The following ATG4A variants were observed in gnomAD, a reference collection of about 807,000 sequenced individuals.
The protein encoded by ATG4A is cysteine protease ATG4A.
A neutral mutation model predicts 38.4 loss-of-function variants in ATG4A; 22 were observed. The ratio of observed to expected loss-of-function variants is 0.57; its 90% confidence interval spans 0.41 to 0.82. The LOEUF is 0.82. ATG4A is among the 40% of genes least tolerant of loss of function. The pLI, the probability that ATG4A is intolerant of heterozygous loss-of-function variation, is 0.00. For missense variants in ATG4A, 220 were observed against 290.0 expected, an observed-to-expected ratio of 0.76 and a Z score of 1.75; for synonymous variants, 86 against 100.7, an observed-to-expected ratio of 0.85 and a Z score of 0.88.
intron 1 of ATG4A, among the ~76,000 whole-genome samples, chrX:108,093,491 A>G (rs1377535390): frequency 6.3e-5 from 7 of 111,793 alleles, no homozygotes; most frequent in Non-Finnish European, 1.3e-4. Flanking sequence ...TCAGTTTCCA[A>G]TTTTTGGCTA....
intron 9 of ATG4A, among the ~76,000 whole-genome samples, chrX:108,138,590 G>A (rs2033162793): frequency 8.9e-6 from 1 of 111,787 alleles, no homozygotes; most frequent in African/African-American, 3.3e-5. Context: ...GACAGGTTGG[G>A]AATTGGAGGA....
At chrX:108,140,975 C>CGTATATATAT in intron 9 of ATG4A, among the ~76,000 whole-genome samples, 1 of 82,503 alleles carries the variant, frequency 1.2e-5, no homozygotes, top group East Asian at 3.6e-4. Flanking sequence ...CACATATATA[C>CGTATATATAT]ACATATATAT....
intron 11 of ATG4A, 54 bp downstream of exon 11, chrX:108,151,912 C>T: frequency 9.5e-7 from 1 of 1,057,928 alleles, no homozygotes; most frequent in Non-Finnish European, 1.3e-6. Flanking sequence ...AATTTTATTC[C>T]TTTTCAAGAT....
chrX:108,114,220 A>G (rs1214216774), intron 1 of ATG4A, among the ~76,000 whole-genome samples: 1 of 111,877 alleles, frequency 8.9e-6, no homozygotes, highest in Admixed American at 9.5e-5. Flanking sequence ...CCGAGGCACA[A>G]GCTCTTATTA....
chrX:108,134,215 C>G, intron 5 of ATG4A, 57 bp downstream of exon 5: 1 of 1,138,971 alleles, frequency 8.8e-7, no homozygotes, highest in Non-Finnish European at 1.2e-6. Context: ...CTTCTCTTCC[C>G]TTGCCTTATA....
intron 1 of ATG4A, among the ~76,000 whole-genome samples, chrX:108,108,235 T>C (rs1272433691): frequency 9.7e-6 from 1 of 102,664 alleles, no homozygotes; most frequent in Non-Finnish European, 2.0e-5. Context: ...CAGGATACAT[T>C]ACTCAAAAAC....
At chrX:108,126,451 T>A (rs1447848914) in intron 2 of ATG4A, among the ~76,000 whole-genome samples, 4 of 112,058 alleles carry the variant, frequency 3.6e-5, no homozygotes, top group African/African-American at 1.3e-4. Flanking sequence ...AATATATTTT[T>A]ATTCTTTTCC....
At chrX:108,107,128 T>TCTC (rs777683411) in intron 1 of ATG4A, among the ~76,000 whole-genome samples, 182 of 111,619 alleles carry the variant, frequency 1.6e-3, no homozygotes, top group African/African-American at 5.8e-3. Flanking sequence ...CTGTTTCTCC[T>TCTC]CTCCTCCTGG....
At chrX:108,101,199 T>A (rs1180434993) in intron 1 of ATG4A, among the ~76,000 whole-genome samples, 1 of 111,151 alleles carries the variant, frequency 9.0e-6, no homozygotes, top group East Asian at 2.8e-4. Context: ...CATATTTGTT[T>A]GTAGTAATCC....
intron 11 of ATG4A, among the ~76,000 whole-genome samples, chrX:108,152,579 C>T (rs1431468864): frequency 8.9e-6 from 1 of 111,839 alleles, no homozygotes; most frequent in African/African-American, 3.2e-5. Context: ...GTTGGACTGC[C>T]ACTGAAACCA....
intron 1 of ATG4A, among the ~76,000 whole-genome samples, chrX:108,124,503 G>T (rs1428355662): frequency 1.8e-5 from 2 of 108,695 alleles, no homozygotes; most frequent in Non-Finnish European, 3.8e-5. Flanking sequence ...CCAGGCTGGA[G>T]TGTAGTGGCG....
chrX:108,108,915 A>T (rs2032272820), intron 1 of ATG4A, among the ~76,000 whole-genome samples: 1 of 111,960 alleles, frequency 8.9e-6, no homozygotes, highest in Non-Finnish European at 1.9e-5. Flanking sequence ...TTTATCTATC[A>T]ATGGACATTT....
intron 9 of ATG4A, among the ~76,000 whole-genome samples, chrX:108,139,082 A>G (rs1457741968): frequency 2.7e-5 from 3 of 111,487 alleles, no homozygotes; most frequent in South Asian, 3.8e-4. Flanking sequence ...ATTGGTTGAC[A>G]GACAAAGGAG....
chrX:108,134,984 G>A (rs1421222203), intron 6 of ATG4A, among the ~76,000 whole-genome samples: 1 of 111,689 alleles, frequency 9.0e-6, no homozygotes, highest in African/African-American at 3.3e-5. Context: ...CAGACTCAAG[G>A]TGTCCCAGTG....
intron 1 of ATG4A, among the ~76,000 whole-genome samples, chrX:108,115,706 T>C (rs2032488296): frequency 8.9e-6 from 1 of 112,288 alleles, no homozygotes; most frequent in East Asian, 2.8e-4. Context: ...TATGGACATC[T>C]TTGATCATAT....
At chrX:108,125,446 A>G (rs1421764706) in intron 1 of ATG4A, among the ~76,000 whole-genome samples, 3 of 112,334 alleles carry the variant, frequency 2.7e-5, no homozygotes, top group Non-Finnish European at 5.6e-5. Flanking sequence ...AACTAAATAT[A>G]TATTTCTTAT....
intron 1 of ATG4A, among the ~76,000 whole-genome samples, chrX:108,116,397 C>T (rs1602632577): frequency 9.0e-6 from 1 of 111,599 alleles, no homozygotes; most frequent in South Asian, 3.8e-4. Context: ...GAGGAGAAAA[C>T]TGGGAAGGTG....
upstream of ATG4A, chrX:108,091,277 G>A (rs181605388): frequency 2.3e-3 from 1,343 of 575,636 alleles, 9 homozygotes; most frequent in African/African-American, 0.025. Context: ...GACCCAGGGG[G>A]ACTGCTTGGG....
chrX:108,095,984 A>G (rs775723124), intron 1 of ATG4A, among the ~76,000 whole-genome samples: 51 of 112,460 alleles, frequency 4.5e-4, no homozygotes, highest in African/African-American at 1.6e-3. Context: ...TGCTGGGATT[A>G]TAGGCGTGAG....
Sources: gnomAD v4.1 joint callset for allele counts (sites outside exome capture counted in the v4.1 genomes callset) on GRCh38, gnomAD v4.1.1 for gene constraint, MANE v1.5 for transcripts, NCBI Gene and HGNC (gene_info 2026-07-23, HGNC 2026-07-21) for gene names.